IQSEC2: variants seen among roughly 807,000 people sequenced by gnomAD.
IQSEC2 encodes the protein IQ motif and Sec7 domain ArfGEF 2.
A neutral mutation model predicts 74.6 loss-of-function variants in IQSEC2; 6 were observed. The ratio of observed to expected loss-of-function variants is 0.08; its 90% CI spans 0.04 to 0.16. The LOEUF (loss-of-function observed/expected upper bound fraction) is 0.16, where lower values mean the gene tolerates loss of function less well. Ranked by LOEUF, IQSEC2 falls within the 10% of genes least tolerant of loss-of-function variation. The pLI, the probability that IQSEC2 is intolerant of heterozygous loss-of-function variation, is 1.00. For missense variants in IQSEC2, 734 were observed against 1,306.2 expected (o/e 0.56, Z 6.75); for synonymous variants, 494 against 544.5 (o/e 0.91, Z 1.29).
At chrX:53,291,402 C>CA (rs1301195887) in intron 2 of IQSEC2, among the ~76,000 whole-genome samples, 2 of 111,603 alleles carry the variant, frequency 1.8e-5, no homozygotes, top group Non-Finnish European at 3.8e-5. Context: ...CAAGCACACA[C>CA]AAAAAAATTT....
At chrX:53,229,291 T>G (rs2074054654), downstream of IQSEC2, 1 of 111,540 alleles carries the variant, frequency 9.0e-6, no homozygotes. Context: ...AAATAAAGAA[T>G]GATGTTAATG....
chrX:53,281,751 C>T, intron 2 of IQSEC2: 1 of 344,955 alleles, frequency 2.9e-6, no homozygotes, highest in Middle Eastern at 8.0e-4. Context: ...CACAGTCCCT[C>T]CTCTGGGCCA....
intron 2 of IQSEC2, among the ~76,000 whole-genome samples, chrX:53,257,654 T>C (rs1343030779): frequency 8.9e-6 from 1 of 111,992 alleles, no homozygotes; most frequent in Non-Finnish European, 1.9e-5. Flanking sequence ...TGAACCATCA[T>C]CTATAACTTC....
chrX:53,251,644 C>T (rs782310149), intron 4 of IQSEC2, among the ~76,000 whole-genome samples: 1 of 112,216 alleles, frequency 8.9e-6, no homozygotes, highest in Non-Finnish European at 1.9e-5. Flanking sequence ...CTAAACTGGC[C>T]GCTAATGATC....
intron 2 of IQSEC2, among the ~76,000 whole-genome samples, chrX:53,278,003 C>CTTTTTT (rs36027805): frequency 6.0e-3 from 225 of 37,548 alleles, no homozygotes; most frequent in East Asian, 0.025. Flanking sequence ...TTTTCTTTTT[C>CTTTTTT]TTTTTTTTTT....
chrX:53,245,421 C>T, intron 8 of IQSEC2, among the ~76,000 whole-genome samples: 1 of 85,149 alleles, frequency 1.2e-5, no homozygotes, highest in East Asian at 3.5e-4. Context: ...GAGTGAGACC[C>T]TGTCTCTAAA....
chrX:53,241,027 C>T (rs1232483542), intron 10 of IQSEC2, among the ~76,000 whole-genome samples: 2 of 112,013 alleles, frequency 1.8e-5, no homozygotes, highest in African/African-American at 3.2e-5. Flanking sequence ...CCACCCACCT[C>T]GGCCTCCCAA....
chrX:53,303,382 C>G (rs1400012334), intron 1 of IQSEC2, among the ~76,000 whole-genome samples: 3 of 111,229 alleles, frequency 2.7e-5, no homozygotes, highest in African/African-American at 9.8e-5. Context: ...AAGGAGCATG[C>G]AAGCACTTCC....
At chrX:53,239,132 G>T in intron 11 of IQSEC2, 63 bp downstream of exon 11, 1 of 867,320 alleles carries the variant, frequency 1.2e-6, no homozygotes, top group Non-Finnish European at 1.7e-6. Context: ...TGGTATAGAT[G>T]ACGGGTGAGC....
intron 4 of IQSEC2, among the ~76,000 whole-genome samples, chrX:53,254,040 G>T (rs1341734158): frequency 8.9e-6 from 1 of 112,278 alleles, no homozygotes. Flanking sequence ...TTTTAACAAT[G>T]TAATTTCTGG....
At position 53,254,737 on chromosome X, in the gene IQSEC2, C is replaced by T. The variant is rs2074441495; in HGVS notation, c.1194G>A (p.Glu398=). The T allele has an allele frequency of 1.5e-5, 18 of 1,204,787 alleles. No homozygotes were observed. The highest frequency in any genetic ancestry group is 1.9e-5 in the Non-Finnish European group (17 of 891,746). ...MRMQFSFEEY[E]KAQNPAYFEG... ...CGAAGTACGCGGGGTTCTGTGCCTT[C>T]TCATACTCCTCAAAGGAGAACTGCA... The change falls in exon 4 of 15, where the codon GAG becomes GAA. Residue 398 remains glutamate, a synonymous_variant. Coordinates refer to ENST00000642864, the MANE Select transcript of IQSEC2 (RefSeq NM_001111125.3).
rs782124794 is a variant in IQSEC2 at position 53,241,771 on chromosome X, A to C, written c.3015+13T>G. 17 of 1,208,956 alleles carry C rather than the reference A, an allele frequency of 1.4e-5. No homozygotes were observed. The highest frequency in any genetic ancestry group is 1.0e-5 in the Non-Finnish European group (9 of 894,675). ...CTCTCTCCCTCCCATCTCCTCCCCC[A>C]CAGTGCTCATACCACAAGGAGATCA... On this transcript the variant is annotated intron_variant, in intron 10 of 14. Coordinates refer to ENST00000642864, the MANE Select transcript of IQSEC2 (RefSeq NM_001111125.3).
intron 1 of IQSEC2, among the ~76,000 whole-genome samples, chrX:53,313,460 C>G (rs920107925): frequency 1.3e-4 from 15 of 112,023 alleles, no homozygotes; most frequent in Non-Finnish European, 2.8e-4. Context: ...CGTGTAAATG[C>G]TTCCAACAGG....
At chrX:53,229,359 T>C (rs782163738), downstream of IQSEC2, 4 of 111,552 alleles carry the variant, frequency 3.6e-5, no homozygotes, top group Non-Finnish European at 7.5e-5. Context: ...AGGATATAAA[T>C]AAATAAATGT....
At chrX:53,314,512 A>C (rs1226425765) in intron 1 of IQSEC2, among the ~76,000 whole-genome samples, 1 of 111,851 alleles carries the variant, frequency 8.9e-6, no homozygotes, top group Non-Finnish European at 1.9e-5. Context: ...AGACACCAGC[A>C]AACAGACATA....
intron 1 of IQSEC2, among the ~76,000 whole-genome samples, chrX:53,315,003 G>C (rs1206053781): frequency 4.5e-5 from 5 of 111,939 alleles, no homozygotes; most frequent in African/African-American, 1.6e-4. Context: ...GTGTACCATA[G>C]GTTTGGAAGC....
intron 1 of IQSEC2, among the ~76,000 whole-genome samples, chrX:53,315,313 C>T (rs2075360564): frequency 8.9e-6 from 1 of 111,946 alleles, no homozygotes; most frequent in African/African-American, 3.3e-5. Context: ...ATTGCTTGAG[C>T]CCAGGAGGTG....
At chrX:53,296,143 C>A (rs1161265976) in intron 1 of IQSEC2, among the ~76,000 whole-genome samples, 1 of 109,120 alleles carries the variant, frequency 9.2e-6, no homozygotes, top group African/African-American at 3.4e-5. Context: ...TCAAGCGATT[C>A]TCCTGCCTCA....
At chrX:53,283,276 G>C (rs1247106415) in intron 2 of IQSEC2, among the ~76,000 whole-genome samples, 1 of 112,180 alleles carries the variant, frequency 8.9e-6, no homozygotes, top group African/African-American at 3.2e-5. Flanking sequence ...GTGTGACTTT[G>C]GGTAAGGCCC....
Sources: gnomAD v4.1 joint callset for allele counts (sites outside exome capture counted in the v4.1 genomes callset) on GRCh38, gnomAD v4.1.1 for gene constraint, MANE v1.5 for transcripts, NCBI Gene and HGNC (gene_info 2026-07-23, HGNC 2026-07-21) for gene names.